ABTB3: variants seen among roughly 807,000 people sequenced by gnomAD.
ABTB3 encodes the protein ankyrin repeat- and BTB/POZ domain-containing protein 3.
the ABTB3 span, among the ~76,000 whole-genome samples, chr12:107,517,598 G>A: frequency 6.6e-6 from 1 of 152,084 alleles, no homozygotes. Context: ...CTTGTAAGTT[G>A]GATTCCTAGG....
chr12:107,364,276 T>G, the ABTB3 span, among the ~76,000 whole-genome samples: 2 of 151,290 alleles, frequency 1.3e-5, no homozygotes, highest in Non-Finnish European at 3.0e-5. Context: ...TCTCAAATAC[T>G]TTTCTTTTTT....
At chr12:107,363,650 T>A in the ABTB3 span, among the ~76,000 whole-genome samples, 1 of 152,248 alleles carries the variant, frequency 6.6e-6, no homozygotes, top group Non-Finnish European at 1.5e-5. Context: ...CATTTTTAGT[T>A]GTAATTGCCA....
chr12:107,599,668 C>T, the ABTB3 span, among the ~76,000 whole-genome samples: 2 of 152,294 alleles, frequency 1.3e-5, no homozygotes, highest in African/African-American at 4.8e-5. Context: ...ACTTCCTTTT[C>T]CACGACAGCC....
chr12:107,367,339 T>G, the ABTB3 span, among the ~76,000 whole-genome samples: 1 of 152,188 alleles, frequency 6.6e-6, no homozygotes, highest in Non-Finnish European at 1.5e-5. Context: ...AAATGCATAC[T>G]GAAGTCAACC....
chr12:107,658,643 A>G, the ABTB3 span: 1 of 152,622 alleles, frequency 6.6e-6, no homozygotes, highest in Admixed American at 6.5e-5. Flanking sequence ...TTTCTAGCTA[A>G]AACTCCATTT....
At chr12:107,634,030 C>A in the ABTB3 span, among the ~76,000 whole-genome samples, 1 of 152,190 alleles carries the variant, frequency 6.6e-6, no homozygotes, top group African/African-American at 2.4e-5. Flanking sequence ...GGTTATAAAG[C>A]CTCTCGTCAT....
the ABTB3 span, among the ~76,000 whole-genome samples, chr12:107,626,712 A>C: frequency 1.3e-5 from 2 of 152,142 alleles, no homozygotes; most frequent in East Asian, 3.9e-4. Flanking sequence ...GTGACTATCC[A>C]TGTCACCAAA....
the ABTB3 span, among the ~76,000 whole-genome samples, chr12:107,395,663 C>T: frequency 6.6e-6 from 1 of 152,298 alleles, no homozygotes; most frequent in South Asian, 2.1e-4. Context: ...TCCATGGACT[C>T]CCAACTTGGC....
the ABTB3 span, among the ~76,000 whole-genome samples, chr12:107,596,434 G>A: frequency 6.6e-6 from 1 of 152,184 alleles, no homozygotes; most frequent in Non-Finnish European, 1.5e-5. Context: ...CCAACATGGT[G>A]AAACCTCGTT....
chr12:107,608,942 T>TAAAATAAAATAAATA, the ABTB3 span, among the ~76,000 whole-genome samples: 1 of 60,252 alleles, frequency 1.7e-5, no homozygotes, highest in South Asian at 6.1e-4. Flanking sequence ...TAAAATAAAA[T>TAAAATAAAATAAATA]AAATAAAATA....
the ABTB3 span, among the ~76,000 whole-genome samples, chr12:107,407,845 C>G: frequency 6.6e-6 from 1 of 151,942 alleles, no homozygotes; most frequent in Non-Finnish European, 1.5e-5. Context: ...TACCAGCTCT[C>G]CTAGGATTGC....
chr12:107,319,802 C>A, the ABTB3 span: 2 of 1,388,808 alleles, frequency 1.4e-6, no homozygotes, highest in East Asian at 3.0e-5. Context: ...GGATAAAGAG[C>A]GGGAGGCGCC....
chr12:107,338,819 CAAATT>C, the ABTB3 span, among the ~76,000 whole-genome samples: 2 of 152,160 alleles, frequency 1.3e-5, no homozygotes, highest in Non-Finnish European at 2.9e-5. Context: ...AATTAATTAA[CAAATT>C]AATTTTTAAG....
chr12:107,525,507 C>T, the ABTB3 span, among the ~76,000 whole-genome samples: 1 of 152,106 alleles, frequency 6.6e-6, no homozygotes, highest in Non-Finnish European at 1.5e-5. Context: ...GGTTTGTAGG[C>T]TGAGAGTGAT....
the ABTB3 span, among the ~76,000 whole-genome samples, chr12:107,430,648 A>G: frequency 1.3e-5 from 2 of 152,216 alleles, no homozygotes; most frequent in East Asian, 3.8e-4. Context: ...ATAGTGTTAA[A>G]AAATAATGGC....
At chr12:107,482,466 G>T in the ABTB3 span, among the ~76,000 whole-genome samples, 1 of 152,152 alleles carries the variant, frequency 6.6e-6, no homozygotes, top group Non-Finnish European at 1.5e-5. Context: ...AAGGGAATAG[G>T]AGCAGGTGAC....
chr12:107,320,733 G>A, the ABTB3 span: 2 of 454,554 alleles, frequency 4.4e-6, no homozygotes, highest in East Asian at 7.0e-5. Flanking sequence ...TGGGGGCTGC[G>A]GGATGGACAA....
the ABTB3 span, among the ~76,000 whole-genome samples, chr12:107,448,561 G>T: frequency 6.6e-6 from 1 of 152,066 alleles, no homozygotes. Context: ...GGCATGGTGT[G>T]CAAAGCACCC....
At chr12:107,542,817 A>G in the ABTB3 span, among the ~76,000 whole-genome samples, 5 of 152,250 alleles carry the variant, frequency 3.3e-5, no homozygotes, top group African/African-American at 1.2e-4. Context: ...CATAAGGAAG[A>G]GAAAATGTAC....
Sources: allele counts gnomAD v4.1 joint callset (sites outside exome capture counted in the v4.1 genomes callset), GRCh38; gene constraint gnomAD v4.1.1; transcripts MANE v1.5; gene names NCBI Gene and HGNC (gene_info 2026-07-23, HGNC 2026-07-21).